The following UTRN variants were observed in gnomAD, a reference collection of about 807,000 sequenced individuals.
The protein encoded by UTRN is utrophin.
UTRN carries 283 observed loss-of-function variants against 463.9 expected under a neutral mutation model. The ratio of observed to expected loss-of-function variants is 0.61; its 90% CI spans 0.55 to 0.67. The LOEUF (loss-of-function observed/expected upper bound fraction) is 0.67, where lower values mean the gene tolerates loss of function less well. Ranked by LOEUF, UTRN falls within the 30% of genes least tolerant of loss-of-function variation. The pLI is 0.00. For synonymous variants in UTRN, 1,442 were observed against 1,431.5 expected (o/e 1.01, Z -0.17); for missense variants, 3,922 against 4,084.3 (o/e 0.96, Z 1.08).
intron 46 of UTRN, among the ~76,000 whole-genome samples, chr6:144,546,047 A>G (rs1798371923): frequency 6.6e-6 from 1 of 152,186 alleles, no homozygotes; most frequent in Admixed American, 6.5e-5. Flanking sequence ...AGCCCCTTAC[A>G]CATAATAGGT....
At chr6:144,656,087 ATT>A (rs1287688867) in intron 51 of UTRN, among the ~76,000 whole-genome samples, 1 of 152,130 alleles carries the variant, frequency 6.6e-6, no homozygotes, top group Non-Finnish European at 1.5e-5. Context: ...AACATGGTTT[ATT>A]TAGCTAGAGA....
In UTRN at chr6:144,827,500, T is replaced by C. The variant is rs552237361; in HGVS notation, c.9534-111T>C. 9 of 1,591,040 alleles carry C rather than the reference T, an allele frequency of 5.7e-6. No homozygotes were observed. In the Admixed American group the frequency reaches 1.2e-4, roughly 21 times the overall value. Reference sequence around the variant, plus strand: ...ACTTCTGTGTTCCGGGTAACAATCCTAGTGGTCTGTTTGCATGGCAGATTC... The same window carrying C: ...ACTTCTGTGTTCCGGGTAACAATCCCAGTGGTCTGTTTGCATGGCAGATTC... On this transcript the variant is annotated intron_variant, in intron 67 of 74. Coordinates refer to ENST00000367545, the MANE Select transcript of UTRN (RefSeq NM_007124.3).
At chr6:144,795,000 C>T (rs979269332) in intron 63 of UTRN, among the ~76,000 whole-genome samples, 1 of 152,032 alleles carries the variant, frequency 6.6e-6, no homozygotes, top group Non-Finnish European at 1.5e-5. Context: ...TAGGTGTTTC[C>T]CCTAATGCTA....
At chr6:144,470,361 G>T (rs1402868321) in intron 23 of UTRN, among the ~76,000 whole-genome samples, 5 of 151,700 alleles carry the variant, frequency 3.3e-5, no homozygotes, top group African/African-American at 1.2e-4. Context: ...TGGCTGCCGG[G>T]CGGAGGGGCT....
At position 144,709,849 on chromosome 6, in the gene UTRN, G is replaced by A. The variant is rs575621781; in HGVS notation, c.7809+9606G>A. On this transcript the variant is annotated intron_variant, in intron 53 of 74. Coordinates refer to ENST00000367545, the MANE Select transcript of UTRN (RefSeq NM_007124.3). ...CATATATTCTGAGTCTTCTGATTCC[G>A]AACTATCTTTATATATTCTAGTCCT... Among the ~76,000 whole-genome samples, 7 of 152,078 alleles carry A rather than the reference G, an allele frequency of 4.6e-5. No homozygotes were observed. In the South Asian group the frequency reaches 8.3e-4, roughly 18 times the overall value.
intron 13 of UTRN, among the ~76,000 whole-genome samples, 156 bp downstream of exon 13, chr6:144,440,627 G>T (rs1787057615): frequency 1.3e-5 from 2 of 152,324 alleles, no homozygotes; most frequent in Middle Eastern, 3.4e-3. Flanking sequence ...TCTACAGTGT[G>T]TGGGCTACAG....
At chr6:144,431,064 A>C (rs903891832) in intron 9 of UTRN, among the ~76,000 whole-genome samples, 3 of 152,166 alleles carry the variant, frequency 2.0e-5, no homozygotes, top group African/African-American at 7.2e-5. Flanking sequence ...AATGCTAGGA[A>C]GTATTTGCCT....
chr6:144,291,722 C>T lies in UTRN; in HGVS notation c.-92-15C>T. The T allele has an allele frequency of 1.2e-6, 1 of 815,324 alleles. No homozygotes were observed. The highest frequency in any genetic ancestry group is 1.8e-5 in the African/African-American group (1 of 56,484). The allele number at this position is 815,324 out of a possible 1,614,324, so 50.5% of individuals were successfully genotyped here. A position where few individuals can be genotyped will look rare whatever the true frequency, so the allele number is the denominator to read the frequency against. ...ATACATTTTTTCAAGTCAGTACTTT[C>T]CCTTTTCCTTTTAGGTATTGATGTC... is the stretch of plus-strand genomic sequence containing the variant. On this transcript the variant is annotated splice_polypyrimidine_tract_variant and intron_variant, in intron 1 of 74. Transcript: ENST00000367545.
At chr6:144,323,122 G>A (rs1218683028) in intron 2 of UTRN, among the ~76,000 whole-genome samples, 2 of 152,058 alleles carry the variant, frequency 1.3e-5, no homozygotes, top group Non-Finnish European at 2.9e-5. Context: ...AATGTGGAGA[G>A]TGGCACTATT....
intron 36 of UTRN, 104 bp downstream of exon 36, chr6:144,514,141 G>T: frequency 2.1e-6 from 3 of 1,434,350 alleles, no homozygotes; most frequent in Non-Finnish European, 2.8e-6. Flanking sequence ...TTCCTCCCAA[G>T]CATTAGATTC....
At chr6:144,621,419 A>G (rs1775367318) in intron 51 of UTRN, among the ~76,000 whole-genome samples, 2 of 134,950 alleles carry the variant, frequency 1.5e-5, no homozygotes, top group Admixed American at 7.5e-5. Context: ...AGAAAGTTTT[A>G]CTGATCCTTC....
rs1452323211 is a variant in UTRN, at chr6:144,852,641, T to C, written c.*1644T>C. 6.6e-6 allele frequency: 1 copy of C among 152,648 alleles called. No individual in the cohort carries two copies. Among genetic ancestry groups the C allele is most frequent in the Admixed American group, 6.5e-5 (1 of 15,276 alleles). 9.5% of individuals were successfully genotyped at this position (152,648 alleles called of 1,614,324 possible). On this transcript the variant is annotated 3_prime_UTR_variant, in exon 75 of 75. Transcript: ENST00000367545. The stretch of plus-strand genomic sequence containing the variant: ...ATCCATTGCATTGGAAACTGCTTTA[T>C]GCTGCTGCAGTCTGCAAAGTCTAGA...
chr6:144,301,536 C>CT (rs200484231), intron 2 of UTRN, among the ~76,000 whole-genome samples: 5,115 of 92,742 alleles, frequency 0.055, 239 homozygotes, highest in Non-Finnish European at 0.087. Context: ...TTCTTTCTTT[C>CT]TTTTTTTTTT....
chr6:144,320,596 T>C (rs1775575982), intron 2 of UTRN, among the ~76,000 whole-genome samples: 1 of 152,180 alleles, frequency 6.6e-6, no homozygotes, highest in Non-Finnish European at 1.5e-5. Context: ...TCTGGTTAGA[T>C]TTCTCTGTGC....
chr6:144,299,312 T>C (rs572114059), intron 2 of UTRN, among the ~76,000 whole-genome samples: 1 of 152,332 alleles, frequency 6.6e-6, no homozygotes, highest in Non-Finnish European at 1.5e-5. Flanking sequence ...TTAAAAGTCA[T>C]AGAACCAAAG....
Position 144,523,002 on chromosome 6 carries a change from C to T in UTRN, c.5734-14C>T. 1 of 1,564,504 alleles carries T rather than the reference C, an allele frequency of 6.4e-7. No individual in the cohort carries two copies. Among genetic ancestry groups the T allele is most frequent in the East Asian group, 2.3e-5 (1 of 43,224 alleles). ...TTTGCTGGATTTTGTTAATCTATGA[C>T]AATATATTTTTAGAATATCAAAGAC... On this transcript the variant is annotated splice_polypyrimidine_tract_variant and intron_variant, in intron 40 of 74. Transcript: ENST00000367545.
Position 144,285,723 on chromosome 6 carries a change from A to AC in UTRN, c.-186dup. 6.7e-6 allele frequency: 1 copy of AC among 150,186 alleles called. No homozygotes were observed. The highest frequency in any genetic ancestry group is 2.1e-4 in the South Asian group (1 of 4,720). The allele number at this position is 150,186 out of a possible 1,614,324, so 9.3% of individuals were successfully genotyped here. A position where few individuals can be genotyped will look rare whatever the true frequency, so the allele number is the denominator to read the frequency against. ...CACCACCAAACTAACACTCGCACACACCCCCGCGGTTACTCCGTGTCAAAC... is the reference window on the plus strand; with the variant it reads ...CACCACCAAACTAACACTCGCACACACCCCCCGCGGTTACTCCGTGTCAAAC... On this transcript the variant is annotated 5_prime_UTR_variant, in exon 1 of 75. Coordinates refer to ENST00000367545, the MANE Select transcript of UTRN (RefSeq NM_007124.3).
intron 2 of UTRN, among the ~76,000 whole-genome samples, chr6:144,315,914 G>T (rs1215592535): frequency 1.3e-5 from 2 of 152,198 alleles, no homozygotes; most frequent in Non-Finnish European, 2.9e-5. Flanking sequence ...AACTGCTGAA[G>T]GTCGCCTCGG....
At chr6:144,403,056 A>G in intron 2 of UTRN, 67 bp from the exon 3 acceptor site, 1 of 1,416,930 alleles carries the variant, frequency 7.1e-7, no homozygotes, top group South Asian at 1.2e-5. Flanking sequence ...AGATAACCTT[A>G]TTTGGTGCTT....
Sources: gnomAD v4.1 joint callset for allele counts (sites outside exome capture counted in the v4.1 genomes callset) on GRCh38, gnomAD v4.1.1 for gene constraint, MANE v1.5 for transcripts, NCBI Gene and HGNC (gene_info 2026-07-23, HGNC 2026-07-21) for gene names.